The following LPP variants were observed in gnomAD, a reference collection of about 807,000 sequenced individuals.
The protein encoded by LPP is lipoma-preferred partner.
Under a neutral mutation model 60.4 loss-of-function variants are expected in LPP, and 38 were observed. The observed-to-expected ratio is 0.63, with a 90% CI of 0.49 to 0.83. The LOEUF (loss-of-function observed/expected upper bound fraction) is 0.83, where lower values mean the gene tolerates loss of function less well. LPP is among the 40% of genes least tolerant of loss of function. LPP has a pLI of 0.00. For synonymous variants in LPP, 328 were observed against 290.8 expected (o/e 1.13, Z -1.30); for missense variants, 902 against 783.6 (o/e 1.15, Z -1.80).
chr3:188,230,908 C>T (rs954353286), intron 2 of LPP, among the ~76,000 whole-genome samples: 2 of 152,176 alleles, frequency 1.3e-5, no homozygotes, highest in Non-Finnish European at 2.9e-5. Flanking sequence ...GCAGTCTCAC[C>T]GGAAGGCTGA....
chr3:188,444,672 G>A (rs1176828168), intron 4 of LPP, among the ~76,000 whole-genome samples: 2 of 152,094 alleles, frequency 1.3e-5, no homozygotes, highest in African/African-American at 2.4e-5. Context: ...CACAGCAAAA[G>A]AAACTATCAT....
intron 7 of LPP, among the ~76,000 whole-genome samples, chr3:188,679,206 G>A (rs1858845304): frequency 6.6e-6 from 1 of 152,062 alleles, no homozygotes; most frequent in African/African-American, 2.4e-5. Context: ...TAGGCACCTT[G>A]GATTCCACAA....
intron 4 of LPP, among the ~76,000 whole-genome samples, chr3:188,409,557 C>A (rs766559174): frequency 1.3e-5 from 2 of 152,014 alleles, no homozygotes; most frequent in Non-Finnish European, 2.9e-5. Flanking sequence ...ATAACCATTC[C>A]TTTTCGTTTC....
At chr3:188,790,574 T>G (rs566133792) in intron 9 of LPP, among the ~76,000 whole-genome samples, 1 of 152,276 alleles carries the variant, frequency 6.6e-6, no homozygotes, top group Non-Finnish European at 1.5e-5. Flanking sequence ...CTCACGCCTG[T>G]AATCCTAGAA....
Position 188,609,289 on chromosome 3 carries a change from C to T in LPP, c.558C>T (p.Pro186=). ...CTACATTGAAACCACAGCCTGCACC[C>T]CAGGCTGGACCCATCCCTGTGGCTC... ...KKSTLKPQPA[P]QAGPIPVAPI... The change falls in exon 7 of 12, where the codon CCC becomes CCT. Residue 186 remains proline, a synonymous_variant. Coordinates refer to ENST00000617246, the MANE Select transcript of LPP (RefSeq NM_001375462.1). The surrounding 1 kb of genome is among the most constrained non-coding windows in gnomAD (Gnocchi z 6.9). The T allele has an allele frequency of 1.9e-6, 3 of 1,614,102 alleles. No individual in the cohort carries two copies. Among genetic ancestry groups the T allele is most frequent in the Non-Finnish European group, 2.5e-6 (3 of 1,180,000 alleles).
intron 4 of LPP, among the ~76,000 whole-genome samples, chr3:188,440,279 T>G (rs1793444082): frequency 6.6e-6 from 1 of 152,214 alleles, no homozygotes; most frequent in African/African-American, 2.4e-5. Flanking sequence ...TTCAGTGTCC[T>G]CTTTCGTAAA....
intron 6 of LPP, among the ~76,000 whole-genome samples, chr3:188,592,297 C>T (rs1838883588): frequency 6.6e-6 from 1 of 151,786 alleles, no homozygotes; most frequent in Non-Finnish European, 1.5e-5. Context: ...CAAAGCCACA[C>T]ATAAAGAGGG....
intron 7 of LPP, among the ~76,000 whole-genome samples, chr3:188,658,595 AT>A (rs1853888295): frequency 6.6e-6 from 1 of 152,182 alleles, no homozygotes; most frequent in South Asian, 2.1e-4. Flanking sequence ...TAAAACAGAA[AT>A]GCATTTCTAT....
intron 2 of LPP, among the ~76,000 whole-genome samples, chr3:188,250,722 C>CTT (rs1728838903): frequency 3.6e-5 from 5 of 137,224 alleles, no homozygotes; most frequent in East Asian, 2.3e-4. Flanking sequence ...TTCTTTCTTT[C>CTT]TCTCTTTCTT....
chr3:188,598,510 G>GA (rs375899810), intron 6 of LPP, among the ~76,000 whole-genome samples: 1 of 151,710 alleles, frequency 6.6e-6, no homozygotes. Context: ...ATCAAGAGGA[G>GA]AAAAAAAATT....
chr3:188,531,762 C>T (rs757097054), intron 6 of LPP, among the ~76,000 whole-genome samples: 21 of 152,114 alleles, frequency 1.4e-4, no homozygotes, highest in Middle Eastern at 3.2e-3. Context: ...TATCCTTTAT[C>T]GTATCCTCTA....
chr3:188,550,563 G>A (rs961782627), intron 6 of LPP, among the ~76,000 whole-genome samples: 9 of 106,288 alleles, frequency 8.5e-5, no homozygotes, highest in Non-Finnish European at 1.4e-4. Flanking sequence ...GGGTGACAGA[G>A]CAAGACTCCA....
chr3:188,611,033 T>G (rs6805236), intron 7 of LPP, among the ~76,000 whole-genome samples: 1 of 152,098 alleles, frequency 6.6e-6, no homozygotes, highest in Non-Finnish European at 1.5e-5. Flanking sequence ...ATATTCAACA[T>G]TGTATCAAAA....
chr3:188,159,000 C>G (rs897817894), intron 1 of LPP, among the ~76,000 whole-genome samples: 1 of 152,216 alleles, frequency 6.6e-6, no homozygotes, highest in African/African-American at 2.4e-5. Context: ...GGTGTCGTCT[C>G]TCCCCAAACC....
chr3:188,445,698 G>A (rs1460472720), intron 4 of LPP, among the ~76,000 whole-genome samples: 1 of 151,776 alleles, frequency 6.6e-6, no homozygotes, highest in Non-Finnish European at 1.5e-5. Context: ...GCAATGTTTG[G>A]AACTCATGAT....
chr3:188,179,503 G>C (rs1039367113), intron 1 of LPP: 1 of 457,726 alleles, frequency 2.2e-6, no homozygotes, highest in Non-Finnish European at 4.4e-6. Context: ...ACGCTTGTTT[G>C]CCCAGTGCAT....
intron 7 of LPP, among the ~76,000 whole-genome samples, chr3:188,677,701 A>G (rs769760862): frequency 1.2e-4 from 19 of 152,196 alleles, no homozygotes; most frequent in Non-Finnish European, 2.4e-4. Flanking sequence ...TTGAATTTAC[A>G]TTAAGAGGAG....
chr3:188,761,150 CACAAA>C (rs1186350214), intron 9 of LPP, among the ~76,000 whole-genome samples: 2 of 152,050 alleles, frequency 1.3e-5, no homozygotes, highest in African/African-American at 4.8e-5. Context: ...TATGTAAACC[CACAAA>C]ACAGTCATGG....
intron 2 of LPP, among the ~76,000 whole-genome samples, chr3:188,308,829 C>T (rs964233986): frequency 6.7e-6 from 1 of 148,324 alleles, no homozygotes; most frequent in African/African-American, 2.5e-5. Context: ...CTTTCTGAGC[C>T]TGAGTTGTTG....
Sources: gnomAD v4.1 joint callset for allele counts (sites outside exome capture counted in the v4.1 genomes callset) on GRCh38, gnomAD v4.1.1 for gene constraint, Gnocchi (gnomAD v3.1) non-coding constraint, MANE v1.5 for transcripts, NCBI Gene and HGNC (gene_info 2026-07-23, HGNC 2026-07-21) for gene names.